NRXN1: variants seen among roughly 807,000 people sequenced by gnomAD.
NRXN1 encodes the protein neurexin 1.
Under a neutral mutation model 150.9 loss-of-function variants are expected in NRXN1, and 39 were observed. The ratio of observed to expected loss-of-function variants is 0.26; its 90% CI spans 0.20 to 0.34. NRXN1 has a LOEUF of 0.34. NRXN1 is among the 10% of genes least tolerant of loss of function. The pLI is 1.00. For synonymous variants in NRXN1, 924 were observed against 757.0 expected (o/e 1.22, Z -3.62); for missense variants, 1,815 against 1,949.9 (o/e 0.93, Z 1.30).
chr2:49,941,495 G>A lies in NRXN1; in HGVS notation c.4216+2209C>T, dbSNP rs149903016. On this transcript the variant is annotated intron_variant, in intron 22 of 22. Transcript: ENST00000401669. Reference sequence around the variant, plus strand: ...ATGGTTAATCAGACCTATAAGCAATGGCTCGAAGAACTGGATCATTCAGCT... The same window carrying A: ...ATGGTTAATCAGACCTATAAGCAATAGCTCGAAGAACTGGATCATTCAGCT... Among the ~76,000 whole-genome samples, 763 of 151,956 alleles carry A rather than the reference G, an allele frequency of 5.0e-3. 12 individuals carry two copies. Among genetic ancestry groups the A allele is most frequent in the African/African-American group, 0.018 (739 of 41,436 alleles).
intron 17 of NRXN1, among the ~76,000 whole-genome samples, chr2:50,462,771 C>T (rs2088368339): frequency 6.6e-6 from 1 of 151,578 alleles, no homozygotes; most frequent in Admixed American, 6.6e-5. Context: ...ATGATTTATC[C>T]AAGATTACAT....
intron 18 of NRXN1, among the ~76,000 whole-genome samples, chr2:50,134,273 G>GAAAAAAAAAAAA (rs59985780): frequency 1.0e-5 from 1 of 96,468 alleles, no homozygotes; most frequent in Non-Finnish European, 2.3e-5. Context: ...AAAGTAACCA[G>GAAAAAAAAAAAA]AAAAAAAAAA....
chr2:50,227,462 G>T (rs2152866001), intron 18 of NRXN1, among the ~76,000 whole-genome samples: 1 of 152,056 alleles, frequency 6.6e-6, no homozygotes, highest in African/African-American at 2.4e-5. Flanking sequence ...ATGGGTGAAA[G>T]GACTGATAGA....
At chr2:50,752,807 T>C (rs995695801) in intron 5 of NRXN1, among the ~76,000 whole-genome samples, 2 of 151,934 alleles carry the variant, frequency 1.3e-5, no homozygotes, top group Admixed American at 6.6e-5. Flanking sequence ...TCTTAGGATG[T>C]TTTGAAAACT....
chr2:50,601,709 T>C (rs958012215), intron 8 of NRXN1, among the ~76,000 whole-genome samples: 1 of 152,202 alleles, frequency 6.6e-6, no homozygotes. Flanking sequence ...TGTATAGAGT[T>C]GACCTGAAGG....
At chr2:50,357,509 T>G (rs2078904587) in intron 17 of NRXN1, among the ~76,000 whole-genome samples, 2 of 151,850 alleles carry the variant, frequency 1.3e-5, no homozygotes, top group East Asian at 3.9e-4. Flanking sequence ...GGTTTCTCCA[T>G]GTTAGTCAGG....
intron 17 of NRXN1, among the ~76,000 whole-genome samples, chr2:50,321,688 G>T (rs2076051028): frequency 6.6e-6 from 1 of 151,926 alleles, no homozygotes; most frequent in Non-Finnish European, 1.5e-5. Context: ...TTTTAAATTG[G>T]GGAAAATGAC....
chr2:50,124,809 C>A (rs1318540172), intron 18 of NRXN1, among the ~76,000 whole-genome samples: 1 of 152,016 alleles, frequency 6.6e-6, no homozygotes, highest in Non-Finnish European at 1.5e-5. Context: ...TAAAATATAT[C>A]TTTTCTTCTC....
At chr2:50,745,641 G>A (rs1004505626) in intron 5 of NRXN1, among the ~76,000 whole-genome samples, 1 of 152,110 alleles carries the variant, frequency 6.6e-6, no homozygotes, top group African/African-American at 2.4e-5. Flanking sequence ...AGATCAGCAT[G>A]CCTGGGGAGG....
At chr2:50,745,026 G>A (rs1699847807) in intron 5 of NRXN1, among the ~76,000 whole-genome samples, 1 of 152,032 alleles carries the variant, frequency 6.6e-6, no homozygotes, top group Non-Finnish European at 1.5e-5. Flanking sequence ...CTCCAACTGA[G>A]CATGCGGCTG....
At chr2:50,201,529 T>C (rs554882361) in intron 18 of NRXN1, among the ~76,000 whole-genome samples, 12 of 152,322 alleles carry the variant, frequency 7.9e-5, no homozygotes, top group Non-Finnish European at 1.0e-4. Flanking sequence ...GTTCTAAAGT[T>C]ATTCATGGAA....
chr2:50,607,742 CAA>C (rs71955231), intron 8 of NRXN1, among the ~76,000 whole-genome samples: 111 of 108,212 alleles, frequency 1.0e-3, no homozygotes, highest in African/African-American at 2.3e-3. Flanking sequence ...CTCTAAAAAT[CAA>C]AAAAAAAAAA....
At chr2:50,646,619 C>T (rs1684847893) in intron 5 of NRXN1, among the ~76,000 whole-genome samples, 1 of 151,348 alleles carries the variant, frequency 6.6e-6, no homozygotes, top group Non-Finnish European at 1.5e-5. Context: ...GTGACATGAA[C>T]TAGGTTCAAT....
chr2:50,635,547 G>T (rs1157453689), intron 5 of NRXN1, among the ~76,000 whole-genome samples: 4 of 152,030 alleles, frequency 2.6e-5, no homozygotes, highest in African/African-American at 9.7e-5. Flanking sequence ...CATAGGGCAG[G>T]CCAGCAAGTC....
intron 17 of NRXN1, among the ~76,000 whole-genome samples, chr2:50,252,264 T>C (rs1246152867): frequency 2.5e-3 from 348 of 138,202 alleles, no homozygotes; most frequent in African/African-American, 8.8e-3. Flanking sequence ...TTTTCTTTTT[T>C]TTTTTTTTTT....
chr2:49,956,425 T>A (rs1406344323), intron 21 of NRXN1, among the ~76,000 whole-genome samples: 5 of 152,168 alleles, frequency 3.3e-5, no homozygotes, highest in Non-Finnish European at 7.4e-5. Context: ...CCATTCACTG[T>A]AAGGCAATTT....
intron 19 of NRXN1, among the ~76,000 whole-genome samples, chr2:50,063,190 C>A (rs1421588): frequency 0.74 from 113,238 of 152,084 alleles, 43,102 homozygotes; most frequent in African/African-American, 0.91. Flanking sequence ...CATATAGACC[C>A]TGCAAATACC....
chr2:50,671,301 A>C (rs1356252828), intron 5 of NRXN1, among the ~76,000 whole-genome samples: 1 of 151,732 alleles, frequency 6.6e-6, no homozygotes, highest in Non-Finnish European at 1.5e-5. Flanking sequence ...AAGAAATTTA[A>C]AAAATTATTT....
intron 10 of NRXN1, among the ~76,000 whole-genome samples, chr2:50,534,970 T>C (rs1558896355): frequency 6.6e-6 from 1 of 152,152 alleles, no homozygotes; most frequent in South Asian, 2.1e-4. Context: ...GCTGCAGGAC[T>C]GAAATAACAT....
Sources: allele counts gnomAD v4.1 joint callset (sites outside exome capture counted in the v4.1 genomes callset), GRCh38; gene constraint gnomAD v4.1.1; transcripts MANE v1.5; gene names NCBI Gene and HGNC (gene_info 2026-07-23, HGNC 2026-07-21).